Variants in NAALADL2 observed in about 807,000 individuals in gnomAD.
NAALADL2 encodes N-acetylated alpha-linked acidic dipeptidase like 2, also known as inactive N-acetylated-alpha-linked acidic dipeptidase-like protein 2.
Under a neutral mutation model 87.2 loss-of-function variants are expected in NAALADL2, and 76 were observed. That is an observed-to-expected ratio of 0.87 (90% CI 0.72 to 1.05). The LOEUF (loss-of-function observed/expected upper bound fraction) is 1.05. Ranked by LOEUF, NAALADL2 falls within the 50% of genes least tolerant of loss-of-function variation. The pLI is 0.00. For missense variants in NAALADL2, 1,089 were observed against 945.8 expected, an observed-to-expected ratio of 1.15 and a Z score of -1.99; for synonymous variants, 354 against 331.0, an observed-to-expected ratio of 1.07 and a Z score of -0.75.
At chr3:174,992,968 G>C (rs1038473906) in intron 1 of NAALADL2, among the ~76,000 whole-genome samples, 1 of 152,050 alleles carries the variant, frequency 6.6e-6, no homozygotes, top group Non-Finnish European at 1.5e-5. Context: ...TCTGGGGCTT[G>C]ATACCTTGTC....
At chr3:174,906,168 A>T (rs896480631) in intron 1 of NAALADL2, among the ~76,000 whole-genome samples, 1 of 152,114 alleles carries the variant, frequency 6.6e-6, no homozygotes, top group Non-Finnish European at 1.5e-5. Flanking sequence ...TTCATATCAA[A>T]CATTCTTTTA....
At chr3:174,919,817 A>G (rs1402993367) in intron 1 of NAALADL2, among the ~76,000 whole-genome samples, 1 of 152,180 alleles carries the variant, frequency 6.6e-6, no homozygotes, top group African/African-American at 2.4e-5. Context: ...TGTTCCTTTA[A>G]TAATAAAACT....
At chr3:175,250,575 C>T (rs138452750) in intron 3 of NAALADL2, among the ~76,000 whole-genome samples, 12 of 152,214 alleles carry the variant, frequency 7.9e-5, no homozygotes, top group African/African-American at 2.9e-4. Context: ...TTCAGTGGTG[C>T]CCTCAACAGT....
At chr3:175,316,499 G>T (rs1341832020) in intron 4 of NAALADL2, among the ~76,000 whole-genome samples, 1 of 152,148 alleles carries the variant, frequency 6.6e-6, no homozygotes, top group Non-Finnish European at 1.5e-5. Context: ...GAAGTTCAGT[G>T]TCAGGAAATC....
chr3:174,610,074 T>C (rs974180949), intron 2 of NAALADL2, among the ~76,000 whole-genome samples: 15 of 151,898 alleles, frequency 9.9e-5, no homozygotes, highest in African/African-American at 3.4e-4. Context: ...AAGGATTCCC[T>C]ATTTAATAAA....
chr3:175,373,933 G>C (rs1766798468), intron 5 of NAALADL2, among the ~76,000 whole-genome samples: 1 of 152,050 alleles, frequency 6.6e-6, no homozygotes, highest in Non-Finnish European at 1.5e-5. Flanking sequence ...TTTTTATGCT[G>C]ATGGACTTAG....
intron 1 of NAALADL2, among the ~76,000 whole-genome samples, chr3:174,985,908 C>T (rs577278939): frequency 1.3e-4 from 20 of 151,856 alleles, no homozygotes; most frequent in African/African-American, 3.1e-4. Context: ...GCTGAGATCA[C>T]GCCATTGCAC....
intron 1 of NAALADL2, among the ~76,000 whole-genome samples, chr3:174,893,021 G>A (rs969192071): frequency 3.3e-5 from 5 of 151,768 alleles, no homozygotes; most frequent in African/African-American, 4.8e-5. Flanking sequence ...ACTCTCAAAG[G>A]TCAAGGATAA....
At chr3:175,247,267 TAC>T (rs778567684) in intron 3 of NAALADL2, among the ~76,000 whole-genome samples, 87 of 64,030 alleles carry the variant, frequency 1.4e-3, no homozygotes, top group Admixed American at 1.8e-3. Flanking sequence ...ATTATGTGTG[TAC>T]ACACACACAC....
chr3:174,922,883 C>CT (rs959110136), intron 1 of NAALADL2, among the ~76,000 whole-genome samples: 1 of 152,154 alleles, frequency 6.6e-6, no homozygotes, highest in African/African-American at 2.4e-5. Flanking sequence ...ATCAGTATGT[C>CT]TTTTTGCTGG....
At chr3:174,988,703 A>G (rs1746309506) in intron 1 of NAALADL2, among the ~76,000 whole-genome samples, 2 of 152,078 alleles carry the variant, frequency 1.3e-5, no homozygotes, top group Non-Finnish European at 2.9e-5. Context: ...ATCTCCACAT[A>G]GTGTTCTCCT....
At chr3:175,072,783 A>G (rs567477711) in intron 1 of NAALADL2, among the ~76,000 whole-genome samples, 2 of 151,726 alleles carry the variant, frequency 1.3e-5, no homozygotes, top group South Asian at 4.2e-4. Flanking sequence ...GCACATGTAT[A>G]CATATGTAAC....
chr3:175,260,282 A>T (rs942125049), intron 4 of NAALADL2, among the ~76,000 whole-genome samples: 2 of 152,160 alleles, frequency 1.3e-5, no homozygotes, highest in African/African-American at 4.8e-5. Flanking sequence ...ATTTCTGTGT[A>T]GAATGCCCCT....
At chr3:175,365,150 A>G (rs1765419207) in intron 5 of NAALADL2, among the ~76,000 whole-genome samples, 1 of 147,528 alleles carries the variant, frequency 6.8e-6, no homozygotes, top group African/African-American at 2.5e-5. Flanking sequence ...TTTGAAGGAG[A>G]AAAACAAAGT....
At chr3:174,971,572 A>G (rs552024423) in intron 1 of NAALADL2, among the ~76,000 whole-genome samples, 24 of 151,902 alleles carry the variant, frequency 1.6e-4, no homozygotes, top group African/African-American at 5.1e-4. Flanking sequence ...ATTAAATTTT[A>G]TGTCTTGCTT....
chr3:174,609,072 T>A (rs375826933), intron 2 of NAALADL2, among the ~76,000 whole-genome samples: 9 of 151,982 alleles, frequency 5.9e-5, no homozygotes, highest in East Asian at 1.9e-4. Context: ...CCACATGATT[T>A]TCTCAATAGA....
chr3:175,741,443 G>T (rs1745224623), intron 12 of NAALADL2, among the ~76,000 whole-genome samples: 1 of 151,992 alleles, frequency 6.6e-6, no homozygotes, highest in Admixed American at 6.6e-5. Context: ...GAATTTTGGG[G>T]GACATAGCAT....
intron 13 of NAALADL2, among the ~76,000 whole-genome samples, chr3:175,769,792 T>C (rs1345362073): frequency 1.3e-5 from 2 of 152,080 alleles, no homozygotes; most frequent in Admixed American, 6.6e-5. Flanking sequence ...AACTGGTTCA[T>C]ATGAATGAGG....
At chr3:175,660,946 C>A (rs1261350522) in intron 11 of NAALADL2, among the ~76,000 whole-genome samples, 1 of 151,986 alleles carries the variant, frequency 6.6e-6, no homozygotes, top group Non-Finnish European at 1.5e-5. Flanking sequence ...GTGAATAGGG[C>A]TGCAATAAAC....
Sources: gnomAD v4.1 joint callset for allele counts (sites outside exome capture counted in the v4.1 genomes callset) on GRCh38, gnomAD v4.1.1 for gene constraint, MANE v1.5 for transcripts, NCBI Gene and HGNC (gene_info 2026-07-23, HGNC 2026-07-21) for gene names.